The following SPIRE1 variants were observed in gnomAD, a reference collection of about 807,000 sequenced individuals.
SPIRE1 encodes the protein protein spire homolog 1.
Under a neutral mutation model 94.1 loss-of-function variants are expected in SPIRE1, and 40 were observed. The ratio of observed to expected loss-of-function variants is 0.43; its 90% CI spans 0.33 to 0.55. SPIRE1 has a LOEUF of 0.55. Among genes scored for constraint, SPIRE1 ranks in the 20% least tolerant of loss-of-function variants. The pLI is 0.06. For synonymous variants in SPIRE1, 376 were observed against 371.7 expected, an observed-to-expected ratio of 1.01 and a Z score of -0.13; for missense variants, 838 against 975.2, an observed-to-expected ratio of 0.86 and a Z score of 1.87.
intron 10 of SPIRE1, among the ~76,000 whole-genome samples, chr18:12,468,527 C>T (rs2032215237): frequency 6.6e-6 from 1 of 152,186 alleles, no homozygotes; most frequent in Non-Finnish European, 1.5e-5. Flanking sequence ...TTTTCCACCA[C>T]TGCATCTGAT....
intron 2 of SPIRE1, among the ~76,000 whole-genome samples, chr18:12,610,307 T>G (rs1323303041): frequency 6.6e-6 from 1 of 152,152 alleles, no homozygotes; most frequent in Non-Finnish European, 1.5e-5. Context: ...CCACCTGATC[T>G]CAGACATCCT....
At chr18:12,640,782 GT>G (rs2038063136) in intron 1 of SPIRE1, among the ~76,000 whole-genome samples, 2 of 152,166 alleles carry the variant, frequency 1.3e-5, no homozygotes, top group Admixed American at 1.3e-4. Flanking sequence ...TGGTGGATGA[GT>G]AACATAAACT....
At chr18:12,531,554 G>A (rs2034681889) in intron 4 of SPIRE1, among the ~76,000 whole-genome samples, 1 of 152,188 alleles carries the variant, frequency 6.6e-6, no homozygotes. Flanking sequence ...GTTATCAGCA[G>A]CACTGAGAAC....
intron 1 of SPIRE1, among the ~76,000 whole-genome samples, chr18:12,649,145 C>T (rs2038306692): frequency 1.3e-5 from 2 of 152,108 alleles, no homozygotes; most frequent in African/African-American, 4.8e-5. Context: ...GGCACAGTGG[C>T]TCGCACCTGC....
At position 12,565,251 on chromosome 18, in the gene SPIRE1, T is replaced by G. The variant is rs34456643; in HGVS notation, c.373-18347A>C. Reference sequence around the variant, plus strand: ...ATTACATTTCACATCTCAGAAACCATGCAAGCAAGAAGAAAATGGAATGAA... The same window carrying G: ...ATTACATTTCACATCTCAGAAACCAGGCAAGCAAGAAGAAAATGGAATGAA... On this transcript the variant is annotated intron_variant, in intron 2 of 16. Transcript: ENST00000409402. 2.6e-5 allele frequency among the ~76,000 whole-genome samples: 4 copies of G among 151,980 alleles called. No homozygotes were observed. The South Asian group carries it at 8.3e-4, about 31-fold the overall frequency.
At chr18:12,459,897 G>A (rs764714621) in intron 12 of SPIRE1, 64 of 985,742 alleles carry the variant, frequency 6.5e-5, no homozygotes, top group Admixed American at 4.9e-4. Context: ...TCGAAAAGGC[G>A]TCCTTGGCCA....
chr18:12,513,979 C>T (rs1026402123), intron 4 of SPIRE1, among the ~76,000 whole-genome samples: 17 of 152,088 alleles, frequency 1.1e-4, no homozygotes, highest in Non-Finnish European at 2.4e-4. Flanking sequence ...AAGTAACTGG[C>T]ACTACAGGTG....
Position 12,552,791 on chromosome 18 carries a change from C to T in SPIRE1, c.373-5887G>A, listed in dbSNP as rs571469676. On this transcript the variant is annotated intron_variant, in intron 2 of 16. Transcript: ENST00000409402. ...GCCCTTAAAAGGGACAGGAATTGCTCACTCCAGGAGCTCTCTTGAGACAGG... is the reference window on the plus strand; with the variant it reads ...GCCCTTAAAAGGGACAGGAATTGCTTACTCCAGGAGCTCTCTTGAGACAGG... Among the ~76,000 whole-genome samples the T allele has an allele frequency of 7.9e-5, 12 of 152,180 alleles. No individual in the cohort carries two copies. In the East Asian group the frequency reaches 2.3e-3, roughly 30 times the overall value.
chr18:12,646,623 T>C (rs2038233311), intron 1 of SPIRE1, among the ~76,000 whole-genome samples: 1 of 152,212 alleles, frequency 6.6e-6, no homozygotes, highest in South Asian at 2.1e-4. Context: ...TCTCTATTTA[T>C]ATTTTTATCT....
At chr18:12,638,476 G>A (rs112852547) in intron 1 of SPIRE1, among the ~76,000 whole-genome samples, 2,165 of 152,198 alleles carry the variant, frequency 0.014, 59 homozygotes, top group African/African-American at 0.049. Context: ...AAAAACAGAT[G>A]AGTAATCTGA....
chr18:12,550,875 C>G (rs1483218567), intron 2 of SPIRE1, among the ~76,000 whole-genome samples: 5 of 152,218 alleles, frequency 3.3e-5, no homozygotes, highest in Admixed American at 2.6e-4. Flanking sequence ...TAGATTTTCT[C>G]TCAGCAACTA....
At position 12,618,897 on chromosome 18, in the gene SPIRE1, C is replaced by T. The variant is rs193005335; in HGVS notation, c.372+16165G>A. On this transcript the variant is annotated intron_variant, in intron 2 of 16. Coordinates refer to ENST00000409402, the MANE Select transcript of SPIRE1 (RefSeq NM_001128626.2). ...AGCCCCACAAAAACAATTTTTTTCC[C>T]CCCCAAGACAGAGTTTTGCTCTTGT... is the stretch of plus-strand genomic sequence containing the variant. 9.6e-3 allele frequency among the ~76,000 whole-genome samples: 1,460 copies of T among 151,972 alleles called. 26 individuals are homozygous for T. The highest frequency in any genetic ancestry group is 0.034 in the African/African-American group (1,404 of 41,482).
At chr18:12,494,113 A>C (rs2033346032) in intron 7 of SPIRE1, among the ~76,000 whole-genome samples, 3 of 151,570 alleles carry the variant, frequency 2.0e-5, no homozygotes, top group Admixed American at 6.6e-5. Flanking sequence ...GGGTCTCTCT[A>C]TGTTGCCCAG....
At chr18:12,565,611 T>C (rs966379564) in intron 2 of SPIRE1, among the ~76,000 whole-genome samples, 2 of 151,994 alleles carry the variant, frequency 1.3e-5, no homozygotes, top group Admixed American at 1.3e-4. Flanking sequence ...TGACCTCAAA[T>C]GATCTTCCCG....
upstream of SPIRE1, among the ~76,000 whole-genome samples, chr18:12,660,275 ATTC>A (rs949703798): frequency 2.8e-4 from 42 of 151,938 alleles, no homozygotes; most frequent in African/African-American, 1.0e-3. Flanking sequence ...TAAAAGATGC[ATTC>A]TTCTTTTTTT....
intron 12 of SPIRE1, among the ~76,000 whole-genome samples, chr18:12,456,392 T>G (rs2031508747): frequency 6.6e-6 from 1 of 152,230 alleles, no homozygotes; most frequent in South Asian, 2.1e-4. Flanking sequence ...ATGGCATTTC[T>G]CAGCTTTTAA....
At chr18:12,594,445 CAAGT>C (rs893128391) in intron 2 of SPIRE1, among the ~76,000 whole-genome samples, 2 of 152,008 alleles carry the variant, frequency 1.3e-5, no homozygotes, top group Non-Finnish European at 2.9e-5. Flanking sequence ...TTCATTAAAA[CAAGT>C]ATTTATTGAT....
chr18:12,470,235 T>C (rs2032298536), intron 10 of SPIRE1, among the ~76,000 whole-genome samples: 1 of 152,160 alleles, frequency 6.6e-6, no homozygotes, highest in African/African-American at 2.4e-5. Context: ...GGCATAATCT[T>C]ATACTGGCCA....
In SPIRE1 at chr18:12,566,955, C is replaced by A. The variant is rs185570304; in HGVS notation, c.373-20051G>T. ...ACAAAAATCTTCAGTAGAATACTAG[C>A]AAATTGAATCCAACCATGTACCAAG... On this transcript the variant is annotated intron_variant, in intron 2 of 16. Coordinates refer to ENST00000409402, the MANE Select transcript of SPIRE1 (RefSeq NM_001128626.2). 1.8e-3 allele frequency among the ~76,000 whole-genome samples: 276 copies of A among 152,252 alleles called. 1 individual carries two copies. The highest frequency in any genetic ancestry group is 6.4e-3 in the African/African-American group (267 of 41,568).
Sources: allele counts gnomAD v4.1 joint callset (sites outside exome capture counted in the v4.1 genomes callset), GRCh38; gene constraint gnomAD v4.1.1; transcripts MANE v1.5; gene names NCBI Gene and HGNC (gene_info 2026-07-23, HGNC 2026-07-21).